The following TRPM7 variants were observed in gnomAD, a reference collection of about 807,000 sequenced individuals.
The protein encoded by TRPM7 is LTRPC ion channel family member 7.
A neutral mutation model predicts 229.7 loss-of-function variants in TRPM7; 134 were observed. The observed-to-expected ratio is 0.58, with a 90% confidence interval of 0.51 to 0.67. The LOEUF (loss-of-function observed/expected upper bound fraction) is 0.67. TRPM7 is among the 30% of genes least tolerant of loss of function. The pLI is 0.00. For synonymous variants in TRPM7, 699 were observed against 715.2 expected, an observed-to-expected ratio of 0.98 and a Z score of 0.36; for missense variants, 1,901 against 2,210.0, an observed-to-expected ratio of 0.86 and a Z score of 2.80.
At chr15:50,673,486 G>A (rs1306428543) in intron 1 of TRPM7, among the ~76,000 whole-genome samples, 3 of 152,038 alleles carry the variant, frequency 2.0e-5, no homozygotes, top group South Asian at 4.1e-4. Flanking sequence ...CGTCCTCATA[G>A]CTCAGCTCCC....
intron 3 of TRPM7, among the ~76,000 whole-genome samples, chr15:50,649,584 G>T (rs1257147087): frequency 6.6e-6 from 1 of 152,112 alleles, no homozygotes; most frequent in Non-Finnish European, 1.5e-5. Flanking sequence ...TTATATATTT[G>T]TATGATTCCA....
At chr15:50,653,774 T>C (rs1272255264) in intron 3 of TRPM7, among the ~76,000 whole-genome samples, 1 of 152,110 alleles carries the variant, frequency 6.6e-6, no homozygotes, top group Non-Finnish European at 1.5e-5. Flanking sequence ...AAATCTCACA[T>C]GGGGATTCAC....
chr15:50,654,502 C>T (rs2061504399), intron 3 of TRPM7, among the ~76,000 whole-genome samples: 1 of 150,966 alleles, frequency 6.6e-6, no homozygotes, highest in Non-Finnish European at 1.5e-5. Flanking sequence ...AAAGCAGTCA[C>T]CAGAAACAGA....
intron 36 of TRPM7, among the ~76,000 whole-genome samples, chr15:50,570,384 G>T (rs909757999): frequency 6.6e-6 from 1 of 152,136 alleles, no homozygotes; most frequent in South Asian, 2.1e-4. Context: ...GTGAACAAGA[G>T]TTAAACGTCA....
intron 1 of TRPM7, among the ~76,000 whole-genome samples, chr15:50,667,642 G>A (rs1217373027): frequency 2.0e-5 from 3 of 152,148 alleles, no homozygotes; most frequent in African/African-American, 7.2e-5. Context: ...AGGAGGTGGA[G>A]GTAACAGTGA....
chr15:50,612,739 G>C lies in TRPM7; in HGVS notation c.1861C>G (p.Pro621Ala). 1 of 1,614,106 alleles carries C rather than the reference G, an allele frequency of 6.2e-7. No individual in the cohort carries two copies. The highest frequency in any genetic ancestry group is 2.2e-5 in the East Asian group (1 of 44,868). The change falls in exon 16 of 39, where the codon CCA becomes GCA. Residue 621 changes from proline to alanine, a missense_variant. This residue lies in a region of TRPM7 where 794 missense variants were observed against 881.9 expected (regional missense o/e 0.90). Transcript: ENST00000646667. ...GCCCAAATTAAAAGTTCATTAAGTG[G>C]ATAAGGAAAGCGCTTGGTTTCTGGA... ...DDPETKRFPY[P>A]LNELLIWACL...
intron 12 of TRPM7, among the ~76,000 whole-genome samples, chr15:50,623,765 TAC>T (rs2060483998): frequency 1.3e-5 from 2 of 149,244 alleles, no homozygotes; most frequent in African/African-American, 4.9e-5. Flanking sequence ...AAAAGGGGTA[TAC>T]CATGAGGTCA....
intron 29 of TRPM7, chr15:50,582,313 T>C (rs559120653): frequency 2.6e-5 from 4 of 150,958 alleles, no homozygotes; most frequent in African/African-American, 9.9e-5. Flanking sequence ...TCTTTTTGAA[T>C]AGTATCTCCT....
chr15:50,661,468 A>G (rs1363103532), intron 2 of TRPM7, among the ~76,000 whole-genome samples: 1 of 152,200 alleles, frequency 6.6e-6, no homozygotes, highest in Non-Finnish European at 1.5e-5. Context: ...TTGTTTCTCA[A>G]AAGTTTTTTA....
At chr15:50,664,838 A>C (rs1020469199) in intron 1 of TRPM7, among the ~76,000 whole-genome samples, 1 of 152,114 alleles carries the variant, frequency 6.6e-6, no homozygotes, top group Non-Finnish European at 1.5e-5. Flanking sequence ...GTGCACACCT[A>C]TAGTCAGTCC....
chr15:50,599,481 G>T, intron 21 of TRPM7, 185 bp from the exon 22 acceptor site: 1 of 438,932 alleles, frequency 2.3e-6, no homozygotes, highest in Non-Finnish European at 4.0e-6. Context: ...TTAACATCTA[G>T]GAGATTACGT....
At chr15:50,683,270 G>A (rs369077772) in intron 1 of TRPM7, among the ~76,000 whole-genome samples, 8 of 151,470 alleles carry the variant, frequency 5.3e-5, no homozygotes, top group African/African-American at 1.9e-4. Context: ...TATGTTGAAA[G>A]ATTTCCCAAA....
At chr15:50,639,081 TAGTG>T (rs2061008414) in intron 6 of TRPM7, among the ~76,000 whole-genome samples, 1 of 152,206 alleles carries the variant, frequency 6.6e-6, no homozygotes, top group Non-Finnish European at 1.5e-5. Context: ...TCCCTAGTCT[TAGTG>T]AGAATAAAAT....
At chr15:50,657,152 C>A (rs888572529) in intron 3 of TRPM7, among the ~76,000 whole-genome samples, 1 of 152,032 alleles carries the variant, frequency 6.6e-6, no homozygotes, top group African/African-American at 2.4e-5. Flanking sequence ...GGTGAAACCC[C>A]ATTTCTACTA....
At chr15:50,649,626 T>C (rs757693800) in intron 3 of TRPM7, among the ~76,000 whole-genome samples, 2 of 152,112 alleles carry the variant, frequency 1.3e-5, no homozygotes, top group Non-Finnish European at 2.9e-5. Context: ...CGTGAACTAA[T>C]CTATATAGTG....
chr15:50,614,334 C>G (rs1452139176), intron 13 of TRPM7, 71 bp from the exon 14 acceptor site: 1 of 1,322,036 alleles, frequency 7.6e-7, no homozygotes, highest in Non-Finnish European at 1.0e-6. Context: ...TGCCTAGGAA[C>G]AGGCCTACTC....
At chr15:50,685,787 C>T (rs1460351377) in intron 1 of TRPM7, among the ~76,000 whole-genome samples, 1 of 152,186 alleles carries the variant, frequency 6.6e-6, no homozygotes, top group Non-Finnish European at 1.5e-5. Context: ...GCCTCCCTCT[C>T]TCCATTCCGC....
rs2140465548 is a variant in TRPM7, at chr15:50,609,856, T to C, written c.2386A>G (p.Met796Val). Residue 796 changes from methionine to valine, a missense_variant, in exon 18 of 39, where the codon ATG becomes GTG. Coordinates refer to ENST00000646667, the MANE Select transcript of TRPM7 (RefSeq NM_017672.6). ...PQSQDAHQMT[M>V]DDSENNFQNI... ...TGAAAGTTGTTTTCGCTGTCATCCA[T>C]TGTCATCTGATGAGCATCTTGAGAT... 3 of 1,613,300 alleles carry C rather than the reference T, an allele frequency of 1.9e-6. No individual in the cohort carries two copies. Among genetic ancestry groups the C allele is most frequent in the African/African-American group, 1.3e-5 (1 of 75,046 alleles).
chr15:50,599,349 A>C (rs769067254), intron 21 of TRPM7, 53 bp from the exon 22 acceptor site: 10 of 1,336,032 alleles, frequency 7.5e-6, no homozygotes, highest in Non-Finnish European at 1.0e-5. Context: ...CACTATGACA[A>C]ATCTTTCTAA....
Sources: allele counts gnomAD v4.1 joint callset (sites outside exome capture counted in the v4.1 genomes callset), GRCh38; gene constraint gnomAD v4.1.1; regional missense constraint gnomAD v4.1.1; transcripts MANE v1.5; gene names NCBI Gene and HGNC (gene_info 2026-07-23, HGNC 2026-07-21).